The following HERC2 variants were observed in gnomAD, a reference collection of about 807,000 sequenced individuals.
The protein encoded by HERC2 is HECT and RLD domain containing E3 ubiquitin protein ligase 2.
Under a neutral mutation model 537.7 loss-of-function variants are expected in HERC2, and 102 were observed. The observed-to-expected ratio is 0.19, with a 90% CI of 0.16 to 0.22. HERC2 has a LOEUF of 0.22. HERC2 is among the 10% of genes least tolerant of loss of function. The pLI, the probability that HERC2 is intolerant of heterozygous loss-of-function variation, is 1.00. For missense variants in HERC2, 4,236 were observed against 6,198.2 expected, an observed-to-expected ratio of 0.68 and a Z score of 10.63; for synonymous variants, 2,224 against 2,466.2, an observed-to-expected ratio of 0.90 and a Z score of 2.91.
chr15:28,200,181 G>A (rs1897762856), intron 48 of HERC2, among the ~76,000 whole-genome samples: 1 of 152,168 alleles, frequency 6.6e-6, no homozygotes, highest in Non-Finnish European at 1.5e-5. Context: ...CGGATCACCT[G>A]AGGTCAGGAG....
intron 2 of HERC2, among the ~76,000 whole-genome samples, chr15:28,314,683 C>T (rs1359706678): frequency 2.6e-5 from 4 of 151,686 alleles, no homozygotes; most frequent in Admixed American, 1.3e-4. Flanking sequence ...GATGAAACCC[C>T]GTCTCTACTA....
intron 40 of HERC2, 71 bp downstream of exon 40, chr15:28,214,584 C>A (rs1449982659): frequency 1.5e-5 from 23 of 1,545,450 alleles, no homozygotes; most frequent in Non-Finnish European, 2.0e-5. Context: ...GGAAGGGAAA[C>A]GGCCACCCAC....
chr15:28,300,071 AAAG>A (rs2076580031), intron 2 of HERC2, among the ~76,000 whole-genome samples: 1 of 151,440 alleles, frequency 6.6e-6, no homozygotes, highest in Non-Finnish European at 1.5e-5. Flanking sequence ...AAAAAAAAGA[AAAG>A]AAAAGAAAAA....
intron 4 of HERC2, among the ~76,000 whole-genome samples, chr15:28,289,195 T>C (rs146655174): frequency 2.0e-5 from 3 of 151,036 alleles, no homozygotes; most frequent in Admixed American, 1.3e-4. Flanking sequence ...GACCTAATTA[T>C]ATGATACCTG....
intron 19 of HERC2, among the ~76,000 whole-genome samples, chr15:28,255,277 G>A (rs1043071042): frequency 6.6e-6 from 1 of 152,192 alleles, no homozygotes; most frequent in African/African-American, 2.4e-5. Flanking sequence ...CAAGGCTGCA[G>A]TGAGCCAACA....
At chr15:28,173,986 C>G (rs1323076636) in intron 65 of HERC2, among the ~76,000 whole-genome samples, 3 of 151,834 alleles carry the variant, frequency 2.0e-5, no homozygotes, top group Non-Finnish European at 4.4e-5. Flanking sequence ...TGTGCTGATG[C>G]TTTCATGGAT....
chr15:28,273,914 T>C (rs1296367255), intron 7 of HERC2, among the ~76,000 whole-genome samples: 1 of 152,196 alleles, frequency 6.6e-6, no homozygotes, highest in Non-Finnish European at 1.5e-5. Context: ...TCTTGAGTAG[T>C]TGTTTACTCC....
intron 9 of HERC2, 150 bp from the exon 10 acceptor site, chr15:28,271,018 A>G (rs540140502): frequency 1.2e-4 from 78 of 676,364 alleles, no homozygotes; most frequent in Non-Finnish European, 1.7e-4. Context: ...ATACATCTAT[A>G]TATTTATGCA....
chr15:28,274,822 C>T, intron 6 of HERC2, 83 bp downstream of exon 6: 1 of 1,030,874 alleles, frequency 9.7e-7, no homozygotes, highest in Non-Finnish European at 1.5e-6. Flanking sequence ...AGCCAAAGGG[C>T]ACATGGTGGC....
Position 28,122,204 on chromosome 15 carries a change from C to T in HERC2, c.13189-775G>A, listed in dbSNP as rs1320586570. On this transcript the variant is annotated intron_variant, in intron 85 of 92. Coordinates refer to ENST00000261609, the MANE Select transcript of HERC2 (RefSeq NM_004667.6). The surrounding 1 kb of genome is among the most constrained non-coding windows in gnomAD (Gnocchi z 4.1). The stretch of plus-strand genomic sequence containing the variant: ...AGGGCGTGGCCAAACATCAGCACCA[C>T]GGTGAGGACCCAGCCGTTCCCCAGG... 2.6e-5 allele frequency among the ~76,000 whole-genome samples: 4 copies of T among 152,206 alleles called. No individual in the cohort carries two copies. Among genetic ancestry groups the T allele is most frequent in the Non-Finnish European group, 4.4e-5 (3 of 68,032 alleles).
chr15:28,266,820 G>A (rs919243541), intron 12 of HERC2, among the ~76,000 whole-genome samples: 6 of 152,264 alleles, frequency 3.9e-5, no homozygotes, highest in African/African-American at 1.2e-4. Flanking sequence ...CGATGGGAGC[G>A]CCCCATGTCT....
chr15:28,263,455 C>A (rs921092437), intron 14 of HERC2, among the ~76,000 whole-genome samples: 1 of 152,150 alleles, frequency 6.6e-6, no homozygotes, highest in Non-Finnish European at 1.5e-5. Context: ...CTTCACAGAA[C>A]CAAAGGCCCA....
At chr15:28,134,511 G>A (rs1197745629) in intron 79 of HERC2, among the ~76,000 whole-genome samples, 1 of 152,136 alleles carries the variant, frequency 6.6e-6, no homozygotes, top group African/African-American at 2.4e-5. Context: ...AAGAGAAGTG[G>A]TGATAGCAGA....
rs559744822 is a variant in HERC2, at chr15:28,113,979, A to G, written c.13914-301T>C. 6.0e-4 allele frequency among the ~76,000 whole-genome samples: 91 copies of G among 152,270 alleles called. No homozygotes were observed. The highest frequency in any genetic ancestry group is 2.1e-3 in the African/African-American group (88 of 41,542). On this transcript the variant is annotated intron_variant, in intron 90 of 92. Coordinates refer to ENST00000261609, the MANE Select transcript of HERC2 (RefSeq NM_004667.6). The surrounding 1 kb of genome is among the most constrained non-coding windows in gnomAD (Gnocchi z 7.0). ...CAGGAGAAGCCAGCACCAAGAGGGG[A>G]AACACATGTGCATCCGCCCCAGGCC...
intron 52 of HERC2, among the ~76,000 whole-genome samples, chr15:28,193,241 A>G (rs1304897739): frequency 6.6e-6 from 1 of 152,244 alleles, no homozygotes; most frequent in African/African-American, 2.4e-5. Context: ...ACAGACTTTA[A>G]TATAATAACT....
chr15:28,180,783 T>C (rs1010424296), intron 57 of HERC2, among the ~76,000 whole-genome samples: 4 of 152,250 alleles, frequency 2.6e-5, no homozygotes, highest in Admixed American at 6.5e-5. Flanking sequence ...TTTGTTGCCA[T>C]TATTCCCTAA....
intron 69 of HERC2, among the ~76,000 whole-genome samples, chr15:28,153,800 G>A (rs1177662954): frequency 6.6e-6 from 1 of 152,066 alleles, no homozygotes; most frequent in African/African-American, 2.4e-5. Context: ...AGTTGGCCTC[G>A]GAAACAAAAA....
Position 28,132,697 on chromosome 15 carries a change from G to A in HERC2, c.12364C>T (p.Arg4122Trp). The A allele has an allele frequency of 1.3e-6, 2 of 1,587,642 alleles. No individual in the cohort carries two copies. The highest frequency in any genetic ancestry group is 2.3e-5 in the East Asian group (1 of 42,606). The change falls in exon 80 of 93, where the codon CGG (arginine) becomes TGG (tryptophan). Residue 4122 changes from arginine (R) to tryptophan (W), a missense_variant. Around this residue, in one of 27 missense-constraint regions of HERC2, gnomAD observed 94 missense variants for 137.4 expected, o/e 0.68. Coordinates refer to ENST00000261609, the MANE Select transcript of HERC2 (RefSeq NM_004667.6). ...TCCTCACTGTCGCTGTGCCCCAGCC[G>A]GCCGTAGCGGCCTTTGCCCCATGTG... ...LYTWGKGRYG[R>W]LGHSDSEDQL... is the part of the protein sequence containing the mutation.
chr15:28,254,850 T>C (rs1021680699), intron 19 of HERC2, among the ~76,000 whole-genome samples: 14 of 152,220 alleles, frequency 9.2e-5, no homozygotes, highest in African/African-American at 3.4e-4. Flanking sequence ...TCCAGCTGCT[T>C]TGTAAGGACA....
Sources: gnomAD v4.1 joint callset for allele counts (sites outside exome capture counted in the v4.1 genomes callset) on GRCh38, gnomAD v4.1.1 for gene constraint, gnomAD v4.1.1 regional missense constraint, Gnocchi (gnomAD v3.1) non-coding constraint, MANE v1.5 for transcripts, NCBI Gene and HGNC (gene_info 2026-07-23, HGNC 2026-07-21) for gene names.